The following SHC3 variants were observed in gnomAD, a reference collection of about 807,000 sequenced individuals.
SHC3 encodes the protein SHC adaptor protein 3, also known as SHC-transforming protein 3.
A neutral mutation model predicts 60.4 loss-of-function variants in SHC3; 15 were observed. That is an observed-to-expected ratio of 0.25 (90% CI 0.17 to 0.38). The LOEUF is 0.38. SHC3 is among the 10% of genes least tolerant of loss of function. The pLI, the probability that SHC3 is intolerant of heterozygous loss-of-function variation, is 1.00. For missense variants in SHC3, 677 were observed against 786.1 expected (o/e 0.86, Z 1.66); for synonymous variants, 294 against 325.9 (o/e 0.90, Z 1.05).
chr9:89,087,675 C>T (rs997825249), intron 2 of SHC3, among the ~76,000 whole-genome samples: 2 of 152,072 alleles, frequency 1.3e-5, no homozygotes, highest in African/African-American at 4.8e-5. Context: ...TGATATAAAC[C>T]AAAAATAAAA....
intron 1 of SHC3, among the ~76,000 whole-genome samples, chr9:89,129,094 G>A (rs1826205506): frequency 6.6e-6 from 1 of 152,124 alleles, no homozygotes; most frequent in Admixed American, 6.5e-5. Context: ...CATGGCACGA[G>A]AACTACGTGA....
Position 89,065,523 on chromosome 9 carries a change from G to C in SHC3, c.835+6C>G. On this transcript the variant is annotated splice_donor_region_variant and intron_variant, in intron 6 of 11. Transcript: ENST00000375835. Reference sequence around the variant, plus strand: ...CAAGAGATTAAAGGGGTCAAGCACCGCTTACCTCTGCGATTAACAGGGTCC... The same window carrying C: ...CAAGAGATTAAAGGGGTCAAGCACCCCTTACCTCTGCGATTAACAGGGTCC... 1 of 1,614,062 alleles carries C rather than the reference G, an allele frequency of 6.2e-7. No individual in the cohort carries two copies. Among genetic ancestry groups the C allele is most frequent in the South Asian group, 1.1e-5 (1 of 91,070 alleles).
At position 89,178,306 on chromosome 9, in the gene SHC3, G is replaced by C. The variant is rs765476496; in HGVS notation, c.155C>G (p.Ala52Gly). The C allele has an allele frequency of 1.9e-5, 30 of 1,583,966 alleles. No individual in the cohort carries two copies. Among genetic ancestry groups the C allele is most frequent in the Non-Finnish European group, 2.3e-5 (27 of 1,167,612 alleles). The change falls in exon 1 of 12, where the codon GCG becomes GGG. Residue 52 changes from alanine (A) to glycine (G), a missense_variant. Transcript: ENST00000375835. The surrounding 1 kb of genome is among the most constrained non-coding windows in gnomAD (Gnocchi z 6.9). ...CCCATCGTCGGGCGCCTTGCGCAGC[G>C]CCTCGCCGGACACCAAGTAGGGAGC... ...AAAPYLVSGE[A>G]LRKAPDDGPG... is the part of the protein sequence containing the mutation.
chr9:89,027,015 T>C (rs1205643366), intron 11 of SHC3, among the ~76,000 whole-genome samples: 1 of 152,038 alleles, frequency 6.6e-6, no homozygotes, highest in Non-Finnish European at 1.5e-5. Context: ...TTCTTGACAA[T>C]AGAAATGAAA....
intron 1 of SHC3, among the ~76,000 whole-genome samples, chr9:89,152,113 A>C (rs553362456): frequency 6.6e-6 from 1 of 152,332 alleles, no homozygotes; most frequent in South Asian, 2.1e-4. Context: ...CATATGTTAC[A>C]TATTGCTCTC....
chr9:89,109,230 T>C (rs763940688), intron 2 of SHC3: 3 of 860,208 alleles, frequency 3.5e-6, no homozygotes, highest in Admixed American at 6.2e-5. Context: ...TAAAGGTCCA[T>C]GCAACCCAGA....
At chr9:89,159,346 G>A (rs539077728) in intron 1 of SHC3, among the ~76,000 whole-genome samples, 2 of 152,276 alleles carry the variant, frequency 1.3e-5, no homozygotes, top group South Asian at 4.1e-4. Context: ...AAACCAGAAT[G>A]TAAACAATAA....
intron 1 of SHC3, among the ~76,000 whole-genome samples, chr9:89,163,872 G>A (rs61121123): frequency 0.022 from 3,362 of 150,686 alleles, 55 homozygotes; most frequent in Middle Eastern, 0.058. Context: ...GTGAGGGCTC[G>A]CTCACTGGTT....
intron 1 of SHC3, among the ~76,000 whole-genome samples, chr9:89,126,445 G>C (rs1339351633): frequency 6.6e-6 from 1 of 152,166 alleles, no homozygotes; most frequent in East Asian, 1.9e-4. Flanking sequence ...TGCACTCTTT[G>C]CTGATGGCTT....
At chr9:89,028,083 T>C (rs1179726672) in intron 11 of SHC3, among the ~76,000 whole-genome samples, 2 of 152,346 alleles carry the variant, frequency 1.3e-5, no homozygotes, top group South Asian at 2.1e-4. Flanking sequence ...TGAAGAACTC[T>C]TGGGAGGCAC....
In SHC3 at chr9:89,013,402, G is replaced by T. The variant is rs1826039573; in HGVS notation, c.*45C>A. ...CAGCCCCGATTCTAGTCCACTCCAG[G>T]TCCTCCTGACCTGGTGCGCAGTGCT... On this transcript the variant is annotated 3_prime_UTR_variant, in exon 12 of 12. Coordinates refer to ENST00000375835, the MANE Select transcript of SHC3 (RefSeq NM_016848.6). 1.4e-6 allele frequency: 2 copies of T among 1,449,982 alleles called. No individual in the cohort carries two copies. Among genetic ancestry groups the T allele is most frequent in the African/African-American group, 2.9e-5 (2 of 69,260 alleles). The allele number at this position is 1,449,982 out of a possible 1,614,324, so 89.8% of individuals were successfully genotyped here.
chr9:89,027,326 G>GGTTTTTTTTTT (rs1554689479), intron 11 of SHC3, among the ~76,000 whole-genome samples: 1 of 89,152 alleles, frequency 1.1e-5, no homozygotes, highest in Admixed American at 1.0e-4. Context: ...GTGAAATTCT[G>GGTTTTTTTTTT]ATTTTTTTTT....
intron 8 of SHC3, 48 bp from the exon 9 acceptor site, chr9:89,045,881 A>C: frequency 6.3e-7 from 1 of 1,586,554 alleles, no homozygotes; most frequent in Non-Finnish European, 8.6e-7. Context: ...TTTTCTTCTC[A>C]TTTCACCACT....
intron 1 of SHC3, among the ~76,000 whole-genome samples, chr9:89,171,431 G>A (rs1051926709): frequency 6.6e-6 from 1 of 152,222 alleles, no homozygotes; most frequent in Non-Finnish European, 1.5e-5. Context: ...TGAAGGCCAA[G>A]TTCCAGAGTT....
chr9:89,134,476 A>C (rs1033059128), intron 1 of SHC3, among the ~76,000 whole-genome samples: 1 of 152,042 alleles, frequency 6.6e-6, no homozygotes, highest in Non-Finnish European at 1.5e-5. Context: ...AAAATTGTTA[A>C]GGGATTATAA....
intron 2 of SHC3, chr9:89,109,809 G>A: frequency 4.1e-6 from 4 of 985,430 alleles, no homozygotes; most frequent in Non-Finnish European, 4.8e-6. Flanking sequence ...CATGCTGAAT[G>A]CTTAACACTC....
At chr9:89,066,567 A>G (rs968249644) in intron 5 of SHC3, among the ~76,000 whole-genome samples, 2 of 152,138 alleles carry the variant, frequency 1.3e-5, no homozygotes, top group African/African-American at 4.8e-5. Context: ...GAAACCAATA[A>G]TTATCTTAAC....
intron 1 of SHC3, among the ~76,000 whole-genome samples, chr9:89,177,623 C>A (rs186843482): frequency 1.3e-3 from 191 of 152,302 alleles, no homozygotes; most frequent in African/African-American, 4.4e-3. Flanking sequence ...CTCTCCCCAG[C>A]GCGTTTCCTA....
chr9:89,150,192 G>T (rs1826525942), intron 1 of SHC3, among the ~76,000 whole-genome samples: 2 of 152,038 alleles, frequency 1.3e-5, no homozygotes, highest in African/African-American at 4.8e-5. Context: ...AGCACGTATG[G>T]GGTTCAGTAT....
Sources: gnomAD v4.1 joint callset for allele counts (sites outside exome capture counted in the v4.1 genomes callset) on GRCh38, gnomAD v4.1.1 for gene constraint, Gnocchi (gnomAD v3.1) non-coding constraint, MANE v1.5 for transcripts, NCBI Gene and HGNC (gene_info 2026-07-23, HGNC 2026-07-21) for gene names.